ASTN2: variants seen among roughly 807,000 people sequenced by gnomAD.
ASTN2 encodes the protein astrotactin-2.
In ASTN2, 54 loss-of-function variants were observed where a neutral mutation model predicts 139.8. The observed-to-expected ratio is 0.39, with a 90% CI of 0.31 to 0.48. The LOEUF (loss-of-function observed/expected upper bound fraction) is 0.48. Ranked by LOEUF, ASTN2 falls within the 20% of genes least tolerant of loss-of-function variation. ASTN2 has a pLI of 0.95. For missense variants in ASTN2, 1,565 were observed against 1,725.1 expected, an observed-to-expected ratio of 0.91 and a Z score of 1.64; for synonymous variants, 756 against 719.5, an observed-to-expected ratio of 1.05 and a Z score of -0.81.
intron 2 of ASTN2, among the ~76,000 whole-genome samples, chr9:117,289,963 T>C (rs973484443): frequency 6.6e-6 from 1 of 152,228 alleles, no homozygotes; most frequent in Admixed American, 6.5e-5. Flanking sequence ...TACTCAGCCC[T>C]AATCAGAATG....
chr9:116,885,379 C>T (rs748731590), intron 10 of ASTN2, among the ~76,000 whole-genome samples: 11 of 152,258 alleles, frequency 7.2e-5, no homozygotes, highest in East Asian at 1.9e-4. Flanking sequence ...CTTATCTCAA[C>T]GGAGCACGGA....
At chr9:116,711,241 C>T (rs528678279) in intron 16 of ASTN2, among the ~76,000 whole-genome samples, 3 of 152,324 alleles carry the variant, frequency 2.0e-5, no homozygotes, top group South Asian at 2.1e-4. Context: ...TTAACTCCAG[C>T]CTATTTAATA....
intron 20 of ASTN2, among the ~76,000 whole-genome samples, chr9:116,476,699 T>C (rs1848992649): frequency 6.6e-6 from 1 of 152,214 alleles, no homozygotes; most frequent in Non-Finnish European, 1.5e-5. Context: ...TTTCCAGATG[T>C]TTCCTGAGAC....
rs144448000 is a variant in ASTN2, at chr9:117,135,032, T to G, written c.1168+6294A>C. On this transcript the variant is annotated intron_variant, in intron 4 of 22. Coordinates refer to ENST00000313400, the MANE Select transcript of ASTN2 (RefSeq NM_001365068.1). Reference sequence around the variant, plus strand: ...AGATGCCTCACCTTCTAGAGCCTCATAGCTCCTGAACACCCTCACAGCAGC... The same window carrying G: ...AGATGCCTCACCTTCTAGAGCCTCAGAGCTCCTGAACACCCTCACAGCAGC... Among the ~76,000 whole-genome samples the G allele has an allele frequency of 6.4e-3, 979 of 152,282 alleles. 9 individuals are homozygous for G. The highest frequency in any genetic ancestry group is 0.022 in the African/African-American group (923 of 41,554).
At chr9:116,922,989 G>T (rs1170637285) in intron 10 of ASTN2, among the ~76,000 whole-genome samples, 1 of 152,136 alleles carries the variant, frequency 6.6e-6, no homozygotes, top group Non-Finnish European at 1.5e-5. Flanking sequence ...ACCTTCCACA[G>T]GCAGTATTAG....
At chr9:116,709,183 C>G (rs1257983517) in intron 16 of ASTN2, among the ~76,000 whole-genome samples, 1 of 152,186 alleles carries the variant, frequency 6.6e-6, no homozygotes, top group East Asian at 1.9e-4. Flanking sequence ...GGTTTCCTTG[C>G]TGTAGCATAG....
intron 16 of ASTN2, 41 bp from the exon 17 acceptor site, chr9:116,651,834 G>C: frequency 6.3e-7 from 1 of 1,595,836 alleles, no homozygotes. Flanking sequence ...GGTAAACTCA[G>C]GATTATTCAA....
At chr9:117,330,722 T>C (rs1828679777) in intron 1 of ASTN2, among the ~76,000 whole-genome samples, 1 of 152,176 alleles carries the variant, frequency 6.6e-6, no homozygotes, top group African/African-American at 2.4e-5. Context: ...TTAACAATAA[T>C]AGGAAACCCC....
chr9:117,044,398 A>G (rs1474196968), intron 5 of ASTN2, among the ~76,000 whole-genome samples: 1 of 152,210 alleles, frequency 6.6e-6, no homozygotes, highest in East Asian at 1.9e-4. Context: ...TCAAGCCTTC[A>G]CTAAGCCAGA....
chr9:116,814,488 C>G (rs757069677), intron 12 of ASTN2, among the ~76,000 whole-genome samples: 2 of 151,864 alleles, frequency 1.3e-5, no homozygotes, highest in Non-Finnish European at 2.9e-5. Context: ...CAGATTTTAT[C>G]TAGTCTAAGA....
intron 3 of ASTN2, among the ~76,000 whole-genome samples, chr9:117,143,791 G>C (rs1245557295): frequency 1.3e-5 from 2 of 151,414 alleles, no homozygotes; most frequent in Admixed American, 1.3e-4. Flanking sequence ...GGGGGAGCAG[G>C]GAAAGAGAGA....
chr9:116,759,505 A>G (rs1326884070), intron 13 of ASTN2, among the ~76,000 whole-genome samples: 1 of 152,142 alleles, frequency 6.6e-6, no homozygotes, highest in African/African-American at 2.4e-5. Context: ...CTGTTTTCAC[A>G]ACCATGCTCT....
At chr9:116,529,079 G>A (rs762670560) in intron 19 of ASTN2, among the ~76,000 whole-genome samples, 1 of 152,162 alleles carries the variant, frequency 6.6e-6, no homozygotes, top group Non-Finnish European at 1.5e-5. Context: ...TGTGAGAAGA[G>A]AGCCACCATC....
intron 3 of ASTN2, among the ~76,000 whole-genome samples, chr9:117,151,992 C>T (rs1830336360): frequency 6.6e-6 from 1 of 151,974 alleles, no homozygotes; most frequent in Non-Finnish European, 1.5e-5. Context: ...CAGACTTGGG[C>T]TTGAGCCTTC....
intron 6 of ASTN2, among the ~76,000 whole-genome samples, chr9:117,024,204 T>C (rs938388177): frequency 6.6e-6 from 1 of 152,158 alleles, no homozygotes; most frequent in Non-Finnish European, 1.5e-5. Context: ...CAGTGAGAAT[T>C]ACCTTCTCTA....
chr9:117,035,314 G>A (rs1174056927), intron 6 of ASTN2, among the ~76,000 whole-genome samples: 1 of 152,006 alleles, frequency 6.6e-6, no homozygotes, highest in Non-Finnish European at 1.5e-5. Flanking sequence ...TTATGATGTG[G>A]GTGAATACAT....
chr9:116,474,413 G>A (rs1848913332), intron 20 of ASTN2, among the ~76,000 whole-genome samples: 1 of 151,594 alleles, frequency 6.6e-6, no homozygotes, highest in Non-Finnish European at 1.5e-5. Flanking sequence ...AGGGTTGTTG[G>A]TGGATGGGGG....
intron 1 of ASTN2, among the ~76,000 whole-genome samples, chr9:117,330,774 TA>T (rs1335579823): frequency 6.6e-6 from 1 of 152,322 alleles, no homozygotes; most frequent in East Asian, 1.9e-4. Context: ...TAGCTAGTTG[TA>T]ACCATGAAAC....
intron 11 of ASTN2, among the ~76,000 whole-genome samples, chr9:116,827,918 C>G (rs1165310550): frequency 4.5e-5 from 4 of 88,950 alleles, no homozygotes; most frequent in Non-Finnish European, 6.7e-5. Flanking sequence ...ATACCAAAAC[C>G]ATACAAGGAA....
Sources: gnomAD v4.1 joint callset for allele counts (sites outside exome capture counted in the v4.1 genomes callset) on GRCh38, gnomAD v4.1.1 for gene constraint, MANE v1.5 for transcripts, NCBI Gene and HGNC (gene_info 2026-07-23, HGNC 2026-07-21) for gene names.